The following CMIP variants were observed in gnomAD, a reference collection of about 807,000 sequenced individuals.
CMIP encodes the protein C-Maf-inducing protein.
Under a neutral mutation model 97.3 loss-of-function variants are expected in CMIP, and 13 were observed. The observed-to-expected ratio is 0.13, with a 90% CI of 0.09 to 0.21. The LOEUF is 0.21. CMIP is among the 10% of genes least tolerant of loss of function. The pLI, the probability that CMIP is intolerant of heterozygous loss-of-function variation, is 1.00. For synonymous variants in CMIP, 538 were observed against 436.3 expected (o/e 1.23, Z -2.91); for missense variants, 847 against 1,024.9 (o/e 0.83, Z 2.37).
intron 3 of CMIP, chr16:81,631,194 G>A (rs1284037403): frequency 6.6e-6 from 1 of 152,348 alleles, no homozygotes; most frequent in Admixed American, 6.5e-5. Context: ...ACCTACTAGG[G>A]TCGGGAGCTC....
At chr16:81,609,263 C>T (rs2091792035) in intron 2 of CMIP, among the ~76,000 whole-genome samples, 1 of 150,488 alleles carries the variant, frequency 6.6e-6, no homozygotes, top group African/African-American at 2.4e-5. Flanking sequence ...GTCAGTGTCA[C>T]CCTCCTGCCA....
chr16:81,590,478 C>G (rs1476818995), intron 1 of CMIP, among the ~76,000 whole-genome samples: 3 of 152,216 alleles, frequency 2.0e-5, no homozygotes, highest in Non-Finnish European at 4.4e-5. Flanking sequence ...AGCCTCGCTT[C>G]CCCAAGTGGA....
At position 81,479,612 on chromosome 16, in the gene CMIP, G is replaced by A. The variant is rs554627904; in HGVS notation, c.300+34071G>A. 1.2e-4 allele frequency among the ~76,000 whole-genome samples: 18 copies of A among 152,064 alleles called. No homozygotes were observed. The East Asian group carries it at 1.7e-3, about 15-fold the overall frequency. ...GGTTAATATAGGATTTGTCTTTTTC[G>A]TGTCTGGGTTATGATTATTATTATT... On this transcript the variant is annotated intron_variant, in intron 1 of 20. Coordinates refer to ENST00000537098, the MANE Select transcript of CMIP (RefSeq NM_198390.3).
intron 1 of CMIP, among the ~76,000 whole-genome samples, chr16:81,567,273 C>G (rs1326201620): frequency 6.6e-6 from 1 of 152,266 alleles, no homozygotes; most frequent in Non-Finnish European, 1.5e-5. Flanking sequence ...GCAGACTTCC[C>G]TGAAGGGACT....
At position 81,694,796 on chromosome 16, in the gene CMIP, A is replaced by T. The variant is rs1906515983; in HGVS notation, c.1530+1309A>T. Among the ~76,000 whole-genome samples the T allele has an allele frequency of 2.0e-5, 3 of 152,124 alleles. No homozygotes were observed. The South Asian group carries it at 6.2e-4, about 32-fold the overall frequency. ...CACTGAAAAACCGAGTTCTGGAGGG[A>T]TCTTGAAGACTCTAGTTCCAAAACA... On this transcript the variant is annotated intron_variant, in intron 13 of 20. Coordinates refer to ENST00000537098, the MANE Select transcript of CMIP (RefSeq NM_198390.3).
At chr16:81,615,280 T>C (rs1356874807) in intron 2 of CMIP, among the ~76,000 whole-genome samples, 9 of 99,144 alleles carry the variant, frequency 9.1e-5, no homozygotes, top group Non-Finnish European at 2.0e-4. Context: ...GGTATGTGGC[T>C]GTGTGGTGTG....
chr16:81,559,886 G>A (rs1201250458), intron 1 of CMIP, among the ~76,000 whole-genome samples: 2 of 152,304 alleles, frequency 1.3e-5, no homozygotes, highest in East Asian at 1.9e-4. Context: ...GGTGGCTCAT[G>A]CCTGTAATCC....
chr16:81,645,274 C>A (rs1267134335), intron 3 of CMIP: 2 of 843,342 alleles, frequency 2.4e-6, no homozygotes, highest in Non-Finnish European at 3.2e-6. Flanking sequence ...CCTGTGGGGT[C>A]CTCCTCCACT....
intron 1 of CMIP, among the ~76,000 whole-genome samples, chr16:81,580,267 A>AG (rs1258435655): frequency 6.6e-6 from 1 of 152,162 alleles, no homozygotes; most frequent in African/African-American, 2.4e-5. Flanking sequence ...CAGAGAAGCG[A>AG]GGTGCCCTAT....
Position 81,521,928 on chromosome 16 carries a change from AC to A in CMIP, c.300+76388del, listed in dbSNP as rs550043281. 3.3e-5 allele frequency among the ~76,000 whole-genome samples: 5 copies of A among 152,230 alleles called. No individual in the cohort carries two copies. In the South Asian group the frequency reaches 1.0e-3, roughly 32 times the overall value. On this transcript the variant is annotated intron_variant, in intron 1 of 20. Coordinates refer to ENST00000537098, the MANE Select transcript of CMIP (RefSeq NM_198390.3). ...TCTCCAAGAAAGGCCAGTGTCTGAT[AC>A]AGTGAAATGCAGGGTACAGAATATT...
At chr16:81,670,642 T>C (rs1290545075) in intron 8 of CMIP, among the ~76,000 whole-genome samples, 1 of 149,728 alleles carries the variant, frequency 6.7e-6, no homozygotes, top group African/African-American at 2.4e-5. Context: ...GGGTGGTTGC[T>C]TTTGCTTTGT....
At chr16:81,473,414 T>C (rs1907680439) in intron 1 of CMIP, among the ~76,000 whole-genome samples, 1 of 152,192 alleles carries the variant, frequency 6.6e-6, no homozygotes, top group African/African-American at 2.4e-5. Context: ...GTTGCCCAAG[T>C]CAACAGTGGT....
chr16:81,663,641 A>G (rs1597213824), intron 6 of CMIP, among the ~76,000 whole-genome samples: 1 of 151,584 alleles, frequency 6.6e-6, no homozygotes, highest in African/African-American at 2.4e-5. Flanking sequence ...CTGGGTAACA[A>G]TGATGTGTCA....
rs570264913 is a variant in CMIP, at chr16:81,597,598, G to C, written c.301-9969G>C. ...TGGGAGGTGAGCGAGGGGAGCGGGG[G>C]GGGGGGAGTCTCCCAGCCTGGAAGG... is the stretch of plus-strand genomic sequence containing the variant. On this transcript the variant is annotated intron_variant, in intron 1 of 20. Transcript: ENST00000537098. Among the ~76,000 whole-genome samples, 497 of 151,340 alleles carry C rather than the reference G, an allele frequency of 3.3e-3. 10 individuals carry two copies. Among genetic ancestry groups the C allele is most frequent in the African/African-American group, 0.011 (453 of 41,252 alleles).
intron 1 of CMIP, among the ~76,000 whole-genome samples, chr16:81,457,919 C>T (rs967518505): frequency 6.6e-6 from 1 of 152,212 alleles, no homozygotes; most frequent in Non-Finnish European, 1.5e-5. Context: ...TGGCAAGCTC[C>T]CCCCTACCTT....
At chr16:81,667,797 A>AGTGTGTGTGTGT (rs1474036026) in intron 7 of CMIP, among the ~76,000 whole-genome samples, 24 of 65,016 alleles carry the variant, frequency 3.7e-4, no homozygotes, top group South Asian at 2.3e-3. Context: ...AGAGAGAGAG[A>AGTGTGTGTGTGT]GAGTGTGTGT....
chr16:81,532,569 C>T (rs2925985), intron 1 of CMIP, among the ~76,000 whole-genome samples: 2,793 of 152,240 alleles, frequency 0.018, 45 homozygotes, highest in Middle Eastern at 0.078. Context: ...CAGGAGGCCT[C>T]GGCTTGCCCA....
chr16:81,520,477 G>A (rs990930772), intron 1 of CMIP: 1 of 151,292 alleles, frequency 6.6e-6, no homozygotes, highest in Non-Finnish European at 1.5e-5. Flanking sequence ...AAGGTAGGAG[G>A]ATCATTTGAG....
intron 1 of CMIP, among the ~76,000 whole-genome samples, chr16:81,581,426 G>A (rs982191778): frequency 1.1e-4 from 17 of 152,258 alleles, no homozygotes; most frequent in African/African-American, 3.1e-4. Flanking sequence ...CTGTACAACA[G>A]GTTACTCTAC....
Sources: gnomAD v4.1 joint callset for allele counts (sites outside exome capture counted in the v4.1 genomes callset) on GRCh38, gnomAD v4.1.1 for gene constraint, MANE v1.5 for transcripts, NCBI Gene and HGNC (gene_info 2026-07-23, HGNC 2026-07-21) for gene names.